The following WWOX variants were observed in gnomAD, a reference collection of about 807,000 sequenced individuals.
WWOX encodes WW domain containing oxidoreductase, also known as WW domain-containing oxidoreductase.
Under a neutral mutation model 46.2 loss-of-function variants are expected in WWOX, and 69 were observed. The ratio of observed to expected loss-of-function variants is 1.49; its 90% CI spans 1.23 to 1.82. The LOEUF is 1.82. Ranked by LOEUF, WWOX falls within the 40% of genes most tolerant of loss-of-function variation. The pLI is 0.00. For synonymous variants in WWOX, 359 were observed against 202.6 expected, an observed-to-expected ratio of 1.77 and a Z score of -6.56; for missense variants, 919 against 542.6, an observed-to-expected ratio of 1.69 and a Z score of -6.89.
chr16:78,565,066 A>G (rs2044532188), intron 8 of WWOX, among the ~76,000 whole-genome samples: 1 of 152,188 alleles, frequency 6.6e-6, no homozygotes, highest in Admixed American at 6.5e-5. Flanking sequence ...CTCCCCAGCA[A>G]CTATAACTGG....
intron 8 of WWOX, among the ~76,000 whole-genome samples, chr16:78,796,128 C>G (rs1567565691): frequency 6.6e-6 from 1 of 152,162 alleles, no homozygotes; most frequent in Non-Finnish European, 1.5e-5. Flanking sequence ...TAGAAACGCC[C>G]CTTGCCTTCC....
At chr16:79,020,937 G>A (rs905224983) in intron 8 of WWOX, among the ~76,000 whole-genome samples, 3 of 152,064 alleles carry the variant, frequency 2.0e-5, no homozygotes, top group African/African-American at 7.2e-5. Context: ...TAGATTGTCA[G>A]GGAGCTAAGG....
At chr16:78,426,361 T>C (rs2083077585) in intron 7 of WWOX, among the ~76,000 whole-genome samples, 1 of 152,170 alleles carries the variant, frequency 6.6e-6, no homozygotes, top group South Asian at 2.1e-4. Flanking sequence ...AGCTGGTATT[T>C]AATGGGAGAT....
rs1426757040 is a variant in WWOX at position 78,340,200 on chromosome 16, T to A, written c.517-46660T>A. ...TTTTGGTAATTGTGTTTGATGATAG[T>A]CTTTTTTTTTTTTTGAGATGGAGTC... On this transcript the variant is annotated intron_variant, in intron 5 of 8. Transcript: ENST00000566780. Among the ~76,000 whole-genome samples the A allele has an allele frequency of 1.7e-4, 16 of 96,678 alleles. 3 individuals are homozygous for A. Among genetic ancestry groups the A allele is most frequent in the African/African-American group, 4.9e-4 (15 of 30,422 alleles). The allele number at this position is 96,678 out of a possible 152,430, so 63.4% of individuals were successfully genotyped here.
intron 8 of WWOX, among the ~76,000 whole-genome samples, chr16:78,988,369 A>C (rs1332154072): frequency 7.0e-6 from 1 of 143,740 alleles, no homozygotes; most frequent in Non-Finnish European, 1.6e-5. Flanking sequence ...AAAAAAAAAA[A>C]GAAAGAAAAT....
intron 8 of WWOX, among the ~76,000 whole-genome samples, chr16:78,692,641 G>A (rs1363439421): frequency 3.3e-5 from 5 of 152,172 alleles, no homozygotes; most frequent in Admixed American, 3.3e-4. Context: ...AACAATTGTG[G>A]AAGCAATGAA....
chr16:78,111,027 A>G (rs182056612), intron 3 of WWOX, among the ~76,000 whole-genome samples: 3 of 151,402 alleles, frequency 2.0e-5, no homozygotes, highest in Admixed American at 6.6e-5. Flanking sequence ...TTTTAAAGTT[A>G]TGAATGTAAC....
chr16:78,484,209 C>T (rs1201967541), intron 8 of WWOX, among the ~76,000 whole-genome samples: 4 of 147,198 alleles, frequency 2.7e-5, no homozygotes, highest in Non-Finnish European at 4.5e-5. Context: ...GGAATAGAAG[C>T]AAAATTTGCA....
intron 8 of WWOX, among the ~76,000 whole-genome samples, chr16:78,944,106 G>T (rs543865748): frequency 6.6e-6 from 1 of 152,268 alleles, no homozygotes; most frequent in Admixed American, 6.5e-5. Flanking sequence ...TGTTTGTTTG[G>T]GGGTTTTTTG....
At chr16:78,967,286 CTTTTTTTTTTT>C (rs71140849) in intron 8 of WWOX, among the ~76,000 whole-genome samples, 1 of 56,830 alleles carries the variant, frequency 1.8e-5, no homozygotes, top group Non-Finnish European at 2.9e-5. Context: ...CTGCCGAGGC[CTTTTTTTTTTT>C]TTTTTTTTTT....
At chr16:78,722,871 A>T (rs894350922) in intron 8 of WWOX, among the ~76,000 whole-genome samples, 15 of 151,932 alleles carry the variant, frequency 9.9e-5, no homozygotes, top group Non-Finnish European at 2.2e-4. Context: ...TGAAAACCTA[A>T]TGTCTACAAA....
At chr16:79,034,428 C>G (rs1340824495) in intron 8 of WWOX, among the ~76,000 whole-genome samples, 2 of 152,204 alleles carry the variant, frequency 1.3e-5, no homozygotes, top group Admixed American at 6.5e-5. Context: ...TATACACTGC[C>G]TGGGCCTTGT....
intron 8 of WWOX, among the ~76,000 whole-genome samples, chr16:78,909,506 C>T (rs2045053340): frequency 6.6e-6 from 1 of 152,174 alleles, no homozygotes; most frequent in African/African-American, 2.4e-5. Flanking sequence ...GCACGGTTGG[C>T]CTCCTCTAGG....
chr16:78,478,292 A>C lies in WWOX; in HGVS notation c.1056+45540A>C, dbSNP rs550191415. 2.1e-4 allele frequency among the ~76,000 whole-genome samples: 32 copies of C among 152,318 alleles called. 1 individual carries two copies. Among genetic ancestry groups the C allele is most frequent in the African/African-American group, 7.2e-4 (30 of 41,562 alleles). On this transcript the variant is annotated intron_variant, in intron 8 of 8. Coordinates refer to ENST00000566780, the MANE Select transcript of WWOX (RefSeq NM_016373.4). Reference sequence around the variant, plus strand: ...TTATAGCTCATTAATGTAGAAAACAAACACAGTGTATCCATCTTCTCAGAC... The same window carrying C: ...TTATAGCTCATTAATGTAGAAAACACACACAGTGTATCCATCTTCTCAGAC...
At chr16:78,886,143 T>C (rs1482452200) in intron 8 of WWOX, among the ~76,000 whole-genome samples, 1 of 151,960 alleles carries the variant, frequency 6.6e-6, no homozygotes, top group Non-Finnish European at 1.5e-5. Context: ...CAGGCAGGTC[T>C]TGAAGTCCTG....
At chr16:78,719,494 A>T (rs2048643545) in intron 8 of WWOX, among the ~76,000 whole-genome samples, 1 of 152,226 alleles carries the variant, frequency 6.6e-6, no homozygotes, top group Non-Finnish European at 1.5e-5. Flanking sequence ...CCCTGGAAGG[A>T]GGAGTGTCTA....
intron 8 of WWOX, among the ~76,000 whole-genome samples, chr16:78,548,635 C>G (rs898946736): frequency 6.6e-6 from 1 of 152,168 alleles, no homozygotes; most frequent in Non-Finnish European, 1.5e-5. Context: ...ATGATTTTGC[C>G]TTTCATGCAG....
At chr16:78,628,733 T>C (rs2046364932) in intron 8 of WWOX, among the ~76,000 whole-genome samples, 1 of 152,080 alleles carries the variant, frequency 6.6e-6, no homozygotes, top group South Asian at 2.1e-4. Flanking sequence ...AAATTCAGGG[T>C]TAATTTCTTG....
rs537642648 is a variant in WWOX at position 78,937,448 on chromosome 16, C to CTTTTTTTTTTTTT, written c.1057-274146_1057-274134dup. Among the ~76,000 whole-genome samples, 66 of 81,994 alleles carry CTTTTTTTTTTTTT rather than the reference C, an allele frequency of 8.0e-4. 8 individuals are homozygous for CTTTTTTTTTTTTT. Among genetic ancestry groups the CTTTTTTTTTTTTT allele is most frequent in the African/African-American group, 3.2e-3 (62 of 19,122 alleles). 53.8% of individuals were successfully genotyped at this position (81,994 alleles called of 152,430 possible). ...TTAGAGAACTTTGTATTTGTATTAA[C>CTTTTTTTTTTTTT]TTTTTTTTTTTTTTTTTTTTTTTTT... On this transcript the variant is annotated intron_variant, in intron 8 of 8. Transcript: ENST00000566780.
Sources: gnomAD v4.1 joint callset for allele counts (sites outside exome capture counted in the v4.1 genomes callset) on GRCh38, gnomAD v4.1.1 for gene constraint, MANE v1.5 for transcripts, NCBI Gene and HGNC (gene_info 2026-07-23, HGNC 2026-07-21) for gene names.